GABRG3: variants seen among roughly 807,000 people sequenced by gnomAD.
GABRG3 encodes gamma-aminobutyric acid type A receptor subunit gamma3, also known as gamma-aminobutyric acid receptor subunit gamma-3.
In GABRG3, 25 loss-of-function variants were observed where a neutral mutation model predicts 48.8. That is an observed-to-expected ratio of 0.51 (90% CI 0.37 to 0.72). The LOEUF (loss-of-function observed/expected upper bound fraction) is 0.72. Among genes scored for constraint, GABRG3 ranks in the 30% least tolerant of loss-of-function variants. The pLI is 0.00. For missense variants in GABRG3, 394 were observed against 577.9 expected, an observed-to-expected ratio of 0.68 and a Z score of 3.26; for synonymous variants, 227 against 217.6, an observed-to-expected ratio of 1.04 and a Z score of -0.38.
chr15:27,055,860 G>C (rs1163057061), intron 3 of GABRG3, among the ~76,000 whole-genome samples: 3 of 152,022 alleles, frequency 2.0e-5, no homozygotes, highest in African/African-American at 4.8e-5. Flanking sequence ...AATCATCCCA[G>C]AAATACTAGG....
At chr15:27,360,327 G>C (rs1894979630) in intron 5 of GABRG3, among the ~76,000 whole-genome samples, 1 of 152,106 alleles carries the variant, frequency 6.6e-6, no homozygotes. Flanking sequence ...ACAAGGTCGG[G>C]TGGAATGGGC....
intron 5 of GABRG3, among the ~76,000 whole-genome samples, chr15:27,344,781 C>T (rs1006951196): frequency 7.9e-5 from 12 of 151,970 alleles, no homozygotes; most frequent in South Asian, 2.1e-4. Context: ...TGTATTTACT[C>T]GGAGGGGTGT....
chr15:27,296,520 CATGTGCTACATAATG>C (rs561441800), intron 3 of GABRG3, among the ~76,000 whole-genome samples: 225 of 152,146 alleles, frequency 1.5e-3, no homozygotes, highest in African/African-American at 4.7e-3. Context: ...TATAAATAGT[CATGTGCTACATAATG>C]ATGTGCTACA....
At chr15:27,306,953 A>G (rs1290392180) in intron 3 of GABRG3, among the ~76,000 whole-genome samples, 2 of 129,972 alleles carry the variant, frequency 1.5e-5, no homozygotes, top group Non-Finnish European at 1.6e-5. Flanking sequence ...TATATAATAT[A>G]AACATGTTTA....
intron 3 of GABRG3, among the ~76,000 whole-genome samples, chr15:27,199,849 G>T (rs976436924): frequency 6.6e-6 from 1 of 152,176 alleles, no homozygotes; most frequent in Admixed American, 6.5e-5. Context: ...TGGCTGGTTT[G>T]TATTTTGTTT....
intron 3 of GABRG3, among the ~76,000 whole-genome samples, chr15:27,120,666 G>C (rs891147082): frequency 6.6e-6 from 1 of 152,100 alleles, no homozygotes; most frequent in Admixed American, 6.5e-5. Context: ...CTAGTAAGCA[G>C]GCTGCTGGCT....
intron 5 of GABRG3, among the ~76,000 whole-genome samples, chr15:27,359,237 C>T (rs994683085): frequency 3.3e-5 from 5 of 152,348 alleles, no homozygotes; most frequent in African/African-American, 1.2e-4. Flanking sequence ...GTGCCCTCCC[C>T]GCTACGGTGG....
chr15:26,980,802 G>T (rs530171943), intron 2 of GABRG3, among the ~76,000 whole-genome samples: 2 of 150,542 alleles, frequency 1.3e-5, no homozygotes, highest in African/African-American at 4.9e-5. Flanking sequence ...TTGGTATGTT[G>T]TATTTTCATT....
chr15:27,015,551 A>AT (rs1277731131), intron 2 of GABRG3, among the ~76,000 whole-genome samples: 3 of 150,186 alleles, frequency 2.0e-5, no homozygotes, highest in African/African-American at 4.9e-5. Context: ...CACCTGGCTA[A>AT]TTTTTTTTTG....
chr15:27,483,680 T>C lies in GABRG3; in HGVS notation c.712+2893T>C, dbSNP rs1890151764. On this transcript the variant is annotated intron_variant, in intron 6 of 9. Coordinates refer to ENST00000615808, the MANE Select transcript of GABRG3 (RefSeq NM_033223.5). ...CTGGGTGAATCTGATGATGATGAAG[T>C]TTGGAAGGCATTGGGCTAGGCTAAC... Among the ~76,000 whole-genome samples the C allele has an allele frequency of 2.0e-5, 3 of 152,154 alleles. No homozygotes were observed. The South Asian group carries it at 6.2e-4, about 32-fold the overall frequency.
At chr15:27,344,212 A>G (rs1894287323) in intron 5 of GABRG3, among the ~76,000 whole-genome samples, 1 of 152,168 alleles carries the variant, frequency 6.6e-6, no homozygotes, top group Admixed American at 6.6e-5. Flanking sequence ...TTCTGACCCC[A>G]CACTCTTTCT....
intron 5 of GABRG3, among the ~76,000 whole-genome samples, chr15:27,338,781 G>T (rs1238675770): frequency 6.6e-6 from 1 of 152,202 alleles, no homozygotes; most frequent in Admixed American, 6.5e-5. Context: ...ACCAGCAAAT[G>T]TATATTTTTG....
At chr15:27,269,885 G>A (rs1198833786) in intron 3 of GABRG3, among the ~76,000 whole-genome samples, 2 of 151,942 alleles carry the variant, frequency 1.3e-5, no homozygotes, top group Non-Finnish European at 2.9e-5. Context: ...AAATATATAT[G>A]CCTATATTAA....
chr15:27,328,747 G>A (rs1893703243), intron 4 of GABRG3, 59 bp from the exon 5 acceptor site: 3 of 1,483,240 alleles, frequency 2.0e-6, no homozygotes, highest in Admixed American at 3.4e-5. Context: ...TGCCGTAACG[G>A]CCGCCGGCCT....
chr15:27,116,570 G>A (rs1897645411), intron 3 of GABRG3, among the ~76,000 whole-genome samples: 1 of 152,132 alleles, frequency 6.6e-6, no homozygotes. Context: ...AAAAGAAGGA[G>A]AAGAAAAGTG....
chr15:27,351,344 ATG>A (rs1034370233), intron 5 of GABRG3, among the ~76,000 whole-genome samples: 1 of 113,410 alleles, frequency 8.8e-6, no homozygotes, highest in Admixed American at 9.3e-5. Context: ...TGTATGGTAT[ATG>A]TGTGTATGTG....
chr15:27,206,173 T>G (rs1888845672), intron 3 of GABRG3, among the ~76,000 whole-genome samples: 1 of 152,214 alleles, frequency 6.6e-6, no homozygotes, highest in Admixed American at 6.5e-5. Flanking sequence ...CTTTCTAACT[T>G]TTTGATGTGC....
At chr15:27,132,575 G>A (rs1349213208) in intron 3 of GABRG3, among the ~76,000 whole-genome samples, 2 of 144,046 alleles carry the variant, frequency 1.4e-5, no homozygotes, top group Admixed American at 7.1e-5. Flanking sequence ...ATTTCATCTG[G>A]GTTTTCTATT....
chr15:27,485,657 A>T (rs996607294), intron 6 of GABRG3, among the ~76,000 whole-genome samples: 2 of 152,106 alleles, frequency 1.3e-5, no homozygotes, highest in African/African-American at 2.4e-5. Flanking sequence ...AGGATAATAA[A>T]TTTTTTTATT....
Sources: gnomAD v4.1 joint callset for allele counts (sites outside exome capture counted in the v4.1 genomes callset) on GRCh38, gnomAD v4.1.1 for gene constraint, MANE v1.5 for transcripts, NCBI Gene and HGNC (gene_info 2026-07-23, HGNC 2026-07-21) for gene names.